DYRK3: variants seen among roughly 807,000 people sequenced by gnomAD.
DYRK3 encodes dual specificity tyrosine-phosphorylation-regulated kinase 3.
DYRK3 carries 30 observed loss-of-function variants against 40.8 expected under a neutral mutation model. The observed-to-expected ratio is 0.74, with a 90% CI of 0.55 to 1.00. The LOEUF (loss-of-function observed/expected upper bound fraction) is 1.00, where lower values mean the gene tolerates loss of function less well. Among genes scored for constraint, DYRK3 ranks in the 50% least tolerant of loss-of-function variants. The probability of loss-of-function intolerance (pLI) is 0.00; values close to 1 mark genes in which losing one functional copy is unlikely to be tolerated. For missense variants in DYRK3, 699 were observed against 731.5 expected, an observed-to-expected ratio of 0.96 and a Z score of 0.51; for synonymous variants, 272 against 260.7, an observed-to-expected ratio of 1.04 and a Z score of -0.42.
chr1:206,651,463 A>G lies in DYRK3; in HGVS notation c.*2498A>G, dbSNP rs191344115. 1.3e-5 allele frequency among the ~76,000 whole-genome samples: 2 copies of G among 152,340 alleles called. No individual in the cohort carries two copies. The highest frequency in any genetic ancestry group is 2.4e-5 in the African/African-American group (1 of 41,580). On this transcript the variant is annotated 3_prime_UTR_variant, in exon 3 of 3. Coordinates refer to ENST00000367109, the MANE Select transcript of DYRK3 (RefSeq NM_003582.4). ...AATGGATGATTTCTCTGCCAACTCC[A>G]GGAAGTAGTACAGCATGATTGAATC...
intron 1 of DYRK3, among the ~76,000 whole-genome samples, chr1:206,637,129 C>G (rs185568679): frequency 5.9e-5 from 9 of 152,282 alleles, no homozygotes; most frequent in African/African-American, 1.9e-4. Context: ...CTGTAAGACC[C>G]AGAAGTGTGA....
In DYRK3 at chr1:206,652,415, C is replaced by T. The variant is rs781872683; in HGVS notation, c.*3450C>T. Among the ~76,000 whole-genome samples, 9 of 152,062 alleles carry T rather than the reference C, an allele frequency of 5.9e-5. No homozygotes were observed. The East Asian group carries it at 7.7e-4, about 13-fold the overall frequency. ...AAGGGGCCTGTGGCTGAGGTTGGTG[C>T]GTGCTCTATTTCTGTGTATCGAATG... On this transcript the variant is annotated 3_prime_UTR_variant, in exon 3 of 3. Coordinates refer to ENST00000367109, the MANE Select transcript of DYRK3 (RefSeq NM_003582.4).
In DYRK3 at chr1:206,635,729, G is replaced by A; in HGVS notation, c.26G>A (p.Gly9Glu). ...ATGGGAGGCACAGCTCGTGGGCCTG[G>A]GCGGAAGGATGCGGGGCCGCCTGGG... MGGTARGPGRKDAGPPGAG... is the reference protein window; with the variant it reads MGGTARGPERKDAGPPGAG... Residue 9 changes from glycine (G) to glutamate (E), a missense_variant, in exon 1 of 3, where the codon GGG (glycine) becomes GAG (glutamate). Coordinates refer to ENST00000367109, the MANE Select transcript of DYRK3 (RefSeq NM_003582.4). The A allele has an allele frequency of 8.0e-7, 1 of 1,247,086 alleles. No homozygotes were observed. The highest frequency in any genetic ancestry group is 1.0e-6 in the Non-Finnish European group (1 of 989,408). 77.3% of individuals were successfully genotyped at this position (1,247,086 alleles called of 1,614,324 possible).
rs569037236 is a variant in DYRK3, at chr1:206,648,328, C to T, written c.1130C>T (p.Ala377Val). The T allele has an allele frequency of 2.5e-6, 4 of 1,614,156 alleles. No individual in the cohort carries two copies. In the South Asian group the frequency reaches 3.3e-5, roughly 13 times the overall value. ...YTYIQSRFYR[A>V]PEIILGSRYS... is the part of the protein sequence containing the mutation. ...TATATCCAGTCTCGGTTCTACAGAGCTCCAGAAATCATCTTAGGAAGCCGC... is the reference window on the plus strand; with the variant it reads ...TATATCCAGTCTCGGTTCTACAGAGTTCCAGAAATCATCTTAGGAAGCCGC... Residue 377 changes from alanine (A) to valine (V), a missense_variant, in exon 3 of 3, where the codon GCT (alanine) becomes GTT (valine). Coordinates refer to ENST00000367109, the MANE Select transcript of DYRK3 (RefSeq NM_003582.4).
At chr1:206,640,082 T>C (rs1015132110) in intron 2 of DYRK3, among the ~76,000 whole-genome samples, 2 of 151,360 alleles carry the variant, frequency 1.3e-5, no homozygotes, top group African/African-American at 2.4e-5. Flanking sequence ...ATTACAGGCA[T>C]CTGCCACCAT....
At chr1:206,646,964 G>A (rs1671471769) in intron 2 of DYRK3, among the ~76,000 whole-genome samples, 1 of 152,192 alleles carries the variant, frequency 6.6e-6, no homozygotes, top group South Asian at 2.1e-4. Flanking sequence ...AACTGGAGAA[G>A]CTGCAGTTAG....
In DYRK3 at chr1:206,652,773, T is replaced by A. The variant is rs1218354473; in HGVS notation, c.*3808T>A. ...ATTGGCCACTGTTAAAAGTTTCACT[T>A]GGATCCCTGCCCAGCCATAGCAATG... On this transcript the variant is annotated 3_prime_UTR_variant, in exon 3 of 3. Transcript: ENST00000367109. Among the ~76,000 whole-genome samples, 1 of 152,240 alleles carries A rather than the reference T, an allele frequency of 6.6e-6. No individual in the cohort carries two copies. The highest frequency in any genetic ancestry group is 6.5e-5 in the Admixed American group (1 of 15,288).
chr1:206,635,650 G>C lies in DYRK3; in HGVS notation c.-54G>C. On this transcript the variant is annotated 5_prime_UTR_variant, in exon 1 of 3. Transcript: ENST00000367109. ...CAGCCGTCCCGGCGTAGGTGGCGTG[G>C]CCGACCGGACCCCCAACTGGCGCCT... 1 of 1,243,198 alleles carries C rather than the reference G, an allele frequency of 8.0e-7. No individual in the cohort carries two copies. Among genetic ancestry groups the C allele is most frequent in the Non-Finnish European group, 1.0e-6 (1 of 989,310 alleles). 77.0% of individuals were successfully genotyped at this position (1,243,198 alleles called of 1,614,324 possible).
At position 206,648,932 on chromosome 1, in the gene DYRK3, C is replaced by G; in HGVS notation, c.1734C>G (p.Pro578=). 1 of 1,613,684 alleles carries G rather than the reference C, an allele frequency of 6.2e-7. No homozygotes were observed. Among genetic ancestry groups the G allele is most frequent in the Non-Finnish European group, 8.5e-7 (1 of 1,179,854 alleles). Residue 578 remains proline (P), a synonymous_variant, in exon 3 of 3, where the codon CCC becomes CCG. Transcript: ENST00000367109. ...TGTCAGAAACCAATGGTAGTATACC[C>G]CTATGCAGTGTATTGCCAAAACTGA... ...NLMSETNGSI[P]LCSVLPKLIS is the part of the protein sequence containing the mutation.
In DYRK3 at chr1:206,647,854, GT is replaced by G. The variant is rs1412394813; in HGVS notation, c.660del (p.Phe220LeufsTer18). On this transcript the variant is annotated frameshift_variant, in exon 3 of 3. Coordinates refer to ENST00000367109, the MANE Select transcript of DYRK3 (RefSeq NM_003582.4). LOFTEE classifies it high-confidence loss of function. ...YEVLKIIGKG[S>X]FGQVARVYDH... ...GTGCTGAAAATTATTGGCAAGGGGA[GT>G]TTTGGGCAGGTGGCCAGGGTCTATG... is the stretch of plus-strand genomic sequence containing the variant. 2 of 1,614,012 alleles carry G rather than the reference GT, an allele frequency of 1.2e-6. No homozygotes were observed. Among genetic ancestry groups the G allele is most frequent in the African/African-American group, 2.7e-5 (2 of 74,902 alleles).
At chr1:206,636,909 A>G (rs1244293837) in intron 1 of DYRK3, 3 of 1,613,206 alleles carry the variant, frequency 1.9e-6, no homozygotes, top group Non-Finnish European at 2.5e-6. Flanking sequence ...CAGAGAAGTG[A>G]TCCTTAATCA....
At position 206,639,379 on chromosome 1, in the gene DYRK3, A is replaced by G. The variant is rs143674600; in HGVS notation, c.189+1618A>G. Among the ~76,000 whole-genome samples the G allele has an allele frequency of 4.8e-3, 723 of 151,830 alleles. 2 individuals are homozygous for G. Among genetic ancestry groups the G allele is most frequent in the South Asian group, 0.013 (64 of 4,816 alleles). On this transcript the variant is annotated intron_variant, in intron 2 of 2. Transcript: ENST00000367109. The stretch of plus-strand genomic sequence containing the variant: ...GTGTTGCCCATCAGATTGCTTGGTT[A>G]CTTGCTGCCAATTGGTTCACCTCTA...
Position 206,649,046 on chromosome 1 carries a change from A to G in DYRK3, c.*81A>G, listed in dbSNP as rs956083360. 4 of 1,409,876 alleles carry G rather than the reference A, an allele frequency of 2.8e-6. No homozygotes were observed. Among genetic ancestry groups the G allele is most frequent in the African/African-American group, 1.4e-5 (1 of 69,848 alleles). The allele number at this position is 1,409,876 out of a possible 1,614,324, so 87.3% of individuals were successfully genotyped here. On this transcript the variant is annotated 3_prime_UTR_variant, in exon 3 of 3. Coordinates refer to ENST00000367109, the MANE Select transcript of DYRK3 (RefSeq NM_003582.4). ...CTGCAAATGGAAAAAATGCAAGCCC[A>G]TTGGTGGATGTTTTTGTTAGAGTAG...
Position 206,653,265 on chromosome 1 carries a change from G to A in DYRK3, c.*4300G>A, listed in dbSNP as rs151069398. Among the ~76,000 whole-genome samples, 320 of 152,198 alleles carry A rather than the reference G, an allele frequency of 2.1e-3. No individual in the cohort carries two copies. The highest frequency in any genetic ancestry group is 7.3e-3 in the African/African-American group (305 of 41,526). ...ACTCCTGGGCTCAAGTGATCCATGTGCCTTACCCTCTCAAAGTGCTGGGAT... is the reference window on the plus strand; with the variant it reads ...ACTCCTGGGCTCAAGTGATCCATGTACCTTACCCTCTCAAAGTGCTGGGAT... On this transcript the variant is annotated 3_prime_UTR_variant, in exon 3 of 3. Transcript: ENST00000367109.
At position 206,635,598 on chromosome 1, in the gene DYRK3, A is replaced by G; in HGVS notation, c.-106A>G. The G allele has an allele frequency of 8.3e-7, 1 of 1,211,860 alleles. No homozygotes were observed. The allele number at this position is 1,211,860 out of a possible 1,614,324, so 75.1% of individuals were successfully genotyped here. ...TGAGCTGCAGTGTCTGGTCGAGAGT[A>G]CCCGTGGGAGCGTCGCGCCGCGGAG... On this transcript the variant is annotated 5_prime_UTR_variant, in exon 1 of 3. Coordinates refer to ENST00000367109, the MANE Select transcript of DYRK3 (RefSeq NM_003582.4).
chr1:206,647,962 G>A lies in DYRK3; in HGVS notation c.764G>A (p.Arg255Gln), dbSNP rs202193987. 395 of 1,614,000 alleles carry A rather than the reference G, an allele frequency of 2.4e-4. No individual in the cohort carries two copies. The highest frequency in any genetic ancestry group is 3.2e-4 in the Non-Finnish European group (383 of 1,180,018). Residue 255 changes from arginine (R) to glutamine (Q), a missense_variant, in exon 3 of 3, where the codon CGG becomes CAG. Arg to Gln is a conservative substitution (Grantham distance 43). Coordinates refer to ENST00000367109, the MANE Select transcript of DYRK3 (RefSeq NM_003582.4). ...RFHRQAAEEI[R>Q]ILEHLKKQDK... Reference sequence around the variant, plus strand: ...CATCGTCAAGCAGCTGAGGAGATCCGGATTTTGGAGCATCTTAAGAAACAG... The same window carrying A: ...CATCGTCAAGCAGCTGAGGAGATCCAGATTTTGGAGCATCTTAAGAAACAG...
At chr1:206,640,260 G>T (rs1395309408) in intron 2 of DYRK3, among the ~76,000 whole-genome samples, 1 of 151,874 alleles carries the variant, frequency 6.6e-6, no homozygotes, top group Non-Finnish European at 1.5e-5. Context: ...TGCTGAAAAA[G>T]AAAATAAAAA....
At chr1:206,640,342 T>TA (rs1297499622) in intron 2 of DYRK3, among the ~76,000 whole-genome samples, 2 of 152,226 alleles carry the variant, frequency 1.3e-5, no homozygotes, top group Non-Finnish European at 2.9e-5. Context: ...GAGATCCTGT[T>TA]ACTTTTTTTT....
rs753365298 is a variant in DYRK3 at position 206,652,914 on chromosome 1, G to A, written c.*3949G>A. Among the ~76,000 whole-genome samples, 1 of 152,200 alleles carries A rather than the reference G, an allele frequency of 6.6e-6. No homozygotes were observed. Among genetic ancestry groups the A allele is most frequent in the Non-Finnish European group, 1.5e-5 (1 of 68,024 alleles). On this transcript the variant is annotated 3_prime_UTR_variant, in exon 3 of 3. Transcript: ENST00000367109. ...ATTTCAGTCAAACTGGTTAGGTTAG[G>A]TGACTTACTGAGTTCTAAATTGACA... is the stretch of plus-strand genomic sequence containing the variant.
Sources: gnomAD v4.1 joint callset for allele counts (sites outside exome capture counted in the v4.1 genomes callset) on GRCh38, gnomAD v4.1.1 for gene constraint, MANE v1.5 for transcripts, NCBI Gene and HGNC (gene_info 2026-07-23, HGNC 2026-07-21) for gene names.